FGF12: variants seen among roughly 807,000 people sequenced by gnomAD.
FGF12 encodes fibroblast growth factor 12.
In FGF12, 14 loss-of-function variants were observed where a neutral mutation model predicts 23.6. That is an observed-to-expected ratio of 0.59 (90% CI 0.39 to 0.93). FGF12 has a LOEUF of 0.93. Among genes scored for constraint, FGF12 ranks in the 40% least tolerant of loss-of-function variants. The pLI, the probability that FGF12 is intolerant of heterozygous loss-of-function variation, is 0.00. For missense variants in FGF12, 175 were observed against 217.8 expected, an observed-to-expected ratio of 0.80 and a Z score of 1.24; for synonymous variants, 62 against 77.3, an observed-to-expected ratio of 0.80 and a Z score of 1.04.
chr3:192,327,785 G>A (rs142994674), intron 4 of FGF12, among the ~76,000 whole-genome samples: 377 of 152,040 alleles, frequency 2.5e-3, no homozygotes, highest in Non-Finnish European at 4.1e-3. Flanking sequence ...CTGCAGCCTC[G>A]ATGTCCTAAG....
Position 192,409,914 on chromosome 3 carries a change from G to GCCGCCGCCTCC in FGF12, c.14-49387_14-49377dup, listed in dbSNP as rs1721137614. Among the ~76,000 whole-genome samples the GCCGCCGCCTCC allele has an allele frequency of 6.6e-6, 1 of 151,904 alleles. No individual in the cohort carries two copies. ...CTTGCGGGGCGCCCCCCGCCGCCGC[G>GCCGCCGCCTCC]CCGCCGCCTCCCCAGGCCCGGGAGG... On this transcript the variant is annotated intron_variant, in intron 2 of 5. Coordinates refer to ENST00000445105, the MANE Select transcript of FGF12 (RefSeq NM_004113.6). This position sits in a 1 kb window ranked among gnomAD's most constrained non-coding sequence, Gnocchi z 4.8.
intron 5 of FGF12, among the ~76,000 whole-genome samples, chr3:192,154,795 G>T (rs1185528259): frequency 1.4e-5 from 2 of 147,120 alleles, no homozygotes. Flanking sequence ...CCCAGAGGTG[G>T]AGCCTACAGA....
In FGF12 at chr3:192,510,741, T is replaced by C. The variant is rs1293175231; in HGVS notation, c.14-150203A>G. Reference sequence around the variant, plus strand: ...GCCAAGATGTTCTTTAGTGGGTGAATGGATAAATAAATTGTGGTACATCCA... The same window carrying C: ...GCCAAGATGTTCTTTAGTGGGTGAACGGATAAATAAATTGTGGTACATCCA... On this transcript the variant is annotated intron_variant, in intron 2 of 5. Coordinates refer to ENST00000445105, the MANE Select transcript of FGF12 (RefSeq NM_004113.6). Among the ~76,000 whole-genome samples the C allele has an allele frequency of 5.9e-5, 9 of 152,180 alleles. 1 individual carries two copies. The highest frequency in any genetic ancestry group is 1.0e-4 in the Non-Finnish European group (7 of 68,032).
intron 2 of FGF12, among the ~76,000 whole-genome samples, chr3:192,681,562 A>T (rs1577118218): frequency 6.6e-6 from 1 of 152,216 alleles, no homozygotes; most frequent in Non-Finnish European, 1.5e-5. Context: ...TGCCTCTACC[A>T]ATCTCTAAAA....
chr3:192,597,953 T>C (rs1028093746), intron 2 of FGF12, among the ~76,000 whole-genome samples: 1 of 152,184 alleles, frequency 6.6e-6, no homozygotes, highest in African/African-American at 2.4e-5. Context: ...TCATAAACTG[T>C]AAAGTGGGTA....
chr3:192,453,847 C>T (rs953129119), intron 2 of FGF12, among the ~76,000 whole-genome samples: 3 of 152,054 alleles, frequency 2.0e-5, no homozygotes, highest in Non-Finnish European at 2.9e-5. Context: ...TCAAATTTAA[C>T]TAATCTGGGT....
At chr3:192,495,095 G>A (rs1032223661) in intron 2 of FGF12, among the ~76,000 whole-genome samples, 34 of 151,976 alleles carry the variant, frequency 2.2e-4, no homozygotes, top group African/African-American at 6.5e-4. Flanking sequence ...TCCTGACCTC[G>A]TGATCCACCC....
chr3:192,582,570 A>C (rs1281591083), intron 2 of FGF12, among the ~76,000 whole-genome samples: 1 of 152,198 alleles, frequency 6.6e-6, no homozygotes, highest in Non-Finnish European at 1.5e-5. Context: ...AAGTGAGAGC[A>C]GTCCTAAGGG....
At chr3:192,692,685 G>A (rs374672972) in intron 2 of FGF12, among the ~76,000 whole-genome samples, 17 of 150,946 alleles carry the variant, frequency 1.1e-4, no homozygotes, top group Admixed American at 4.0e-4. Flanking sequence ...CAGCAGCCTG[G>A]GTGACAGAGT....
rs1459942535 is a variant in FGF12, at chr3:192,143,819, A to T, written c.*190T>A. 3.9e-6 allele frequency: 2 copies of T among 513,094 alleles called. No individual in the cohort carries two copies. The highest frequency in any genetic ancestry group is 2.0e-5 in the African/African-American group (1 of 50,802). The allele number at this position is 513,094 out of a possible 1,614,324, so 31.8% of individuals were successfully genotyped here. On this transcript the variant is annotated 3_prime_UTR_variant, in exon 6 of 6. Transcript: ENST00000445105. ...GCACGTGAATTTTCTACCACATTGC[A>T]ACAAGCAAGCTTTGGTTCAATTTTC...
chr3:192,171,118 C>T (rs1300708207), intron 4 of FGF12, among the ~76,000 whole-genome samples: 1 of 152,188 alleles, frequency 6.6e-6, no homozygotes, highest in Non-Finnish European at 1.5e-5. Flanking sequence ...TACACAGCCA[C>T]AGCTTGGTCA....
chr3:192,533,661 T>C (rs768863492), intron 2 of FGF12, among the ~76,000 whole-genome samples: 1 of 152,202 alleles, frequency 6.6e-6, no homozygotes, highest in African/African-American at 2.4e-5. Context: ...CCTCTGTTCA[T>C]TTTCTTTCCT....
At chr3:192,638,568 T>G (rs1271861775) in intron 2 of FGF12, among the ~76,000 whole-genome samples, 1 of 152,200 alleles carries the variant, frequency 6.6e-6, no homozygotes, top group Non-Finnish European at 1.5e-5. Flanking sequence ...ATCCTAACAG[T>G]AAAGCACTCA....
At chr3:192,626,543 A>G (rs1715175321) in intron 2 of FGF12, among the ~76,000 whole-genome samples, 1 of 152,146 alleles carries the variant, frequency 6.6e-6, no homozygotes, top group Non-Finnish European at 1.5e-5. Flanking sequence ...TTAAATATCG[A>G]CAGGAATTAG....
intron 2 of FGF12, among the ~76,000 whole-genome samples, chr3:192,597,551 C>A (rs949827155): frequency 2.0e-5 from 3 of 152,072 alleles, no homozygotes; most frequent in Non-Finnish European, 4.4e-5. Flanking sequence ...ATTGCATTCA[C>A]CCTAGTGCAG....
chr3:192,254,204 A>G (rs1712223056), intron 4 of FGF12, among the ~76,000 whole-genome samples: 1 of 151,776 alleles, frequency 6.6e-6, no homozygotes, highest in Admixed American at 6.6e-5. Context: ...CCAGGTAACT[A>G]CCATTCTACT....
At chr3:192,363,297 G>A (rs4686607) in intron 2 of FGF12, among the ~76,000 whole-genome samples, 35,795 of 150,980 alleles carry the variant, frequency 0.24, 4,307 homozygotes, top group Admixed American at 0.31. Context: ...CAGTTTAGTC[G>A]TTAAAGCCTG....
intron 2 of FGF12, among the ~76,000 whole-genome samples, chr3:192,542,113 T>A (rs1463190979): frequency 6.6e-6 from 1 of 151,248 alleles, no homozygotes; most frequent in African/African-American, 2.4e-5. Context: ...TCTTGAATGA[T>A]CCGCCTACCT....
intron 4 of FGF12, among the ~76,000 whole-genome samples, chr3:192,242,315 G>A (rs1719661397): frequency 6.6e-6 from 1 of 152,150 alleles, no homozygotes; most frequent in Non-Finnish European, 1.5e-5. Flanking sequence ...GAGCTGTCCT[G>A]TTCATTATGG....
Sources: allele counts gnomAD v4.1 joint callset (sites outside exome capture counted in the v4.1 genomes callset), GRCh38; gene constraint gnomAD v4.1.1; non-coding constraint Gnocchi (gnomAD v3.1); transcripts MANE v1.5; gene names NCBI Gene and HGNC (gene_info 2026-07-23, HGNC 2026-07-21).